The following FHIT variants were observed in gnomAD, a reference collection of about 807,000 sequenced individuals.
FHIT encodes bis(5'-adenosyl)-triphosphatase.
A neutral mutation model predicts 17.9 loss-of-function variants in FHIT; 19 were observed. That is an observed-to-expected ratio of 1.06 (90% CI 0.74 to 1.56). FHIT has a LOEUF of 1.56. Among genes scored for constraint, FHIT ranks in the 40% most tolerant of loss-of-function variants. FHIT has a pLI of 0.00. For missense variants in FHIT, 248 were observed against 189.2 expected, an observed-to-expected ratio of 1.31 and a Z score of -1.82; for synonymous variants, 81 against 69.7, an observed-to-expected ratio of 1.16 and a Z score of -0.81.
intron 5 of FHIT, among the ~76,000 whole-genome samples, chr3:60,305,020 C>T (rs1177336816): frequency 6.6e-6 from 1 of 152,160 alleles, no homozygotes; most frequent in East Asian, 1.9e-4. Context: ...TCCGTTGTCA[C>T]ATTTTATATC....
chr3:60,563,843 TGTCGAG>T (rs2037039922), intron 4 of FHIT, among the ~76,000 whole-genome samples: 1 of 152,140 alleles, frequency 6.6e-6, no homozygotes, highest in Admixed American at 6.6e-5. Flanking sequence ...TAATATAAAA[TGTCGAG>T]GTGAAGCAGC....
intron 2 of FHIT, among the ~76,000 whole-genome samples, chr3:61,050,419 C>A (rs966977674): frequency 2.0e-5 from 3 of 151,966 alleles, no homozygotes; most frequent in Non-Finnish European, 4.4e-5. Context: ...TAGATTCTGA[C>A]TTGAACAAAA....
intron 7 of FHIT, 108 bp from the exon 8 acceptor site, chr3:59,922,522 G>C (rs758957676): frequency 8.8e-6 from 8 of 910,710 alleles, no homozygotes; most frequent in Non-Finnish European, 1.2e-5. Context: ...GTTCCTGCTG[G>C]GTTATTTTTC....
intron 5 of FHIT, among the ~76,000 whole-genome samples, chr3:60,413,474 A>C (rs192182508): frequency 6.6e-5 from 10 of 152,342 alleles, no homozygotes; most frequent in African/African-American, 2.4e-4. Context: ...TTACTTAAGA[A>C]GTACCATGCA....
chr3:60,005,546 C>G (rs1055320831), intron 7 of FHIT, among the ~76,000 whole-genome samples: 2 of 152,170 alleles, frequency 1.3e-5, no homozygotes, highest in Non-Finnish European at 2.9e-5. Flanking sequence ...CCCACATGTA[C>G]ACCCAAACCC....
At chr3:59,772,387 G>C (rs987357573) in intron 8 of FHIT, among the ~76,000 whole-genome samples, 1 of 152,210 alleles carries the variant, frequency 6.6e-6, no homozygotes, top group Non-Finnish European at 1.5e-5. Flanking sequence ...AATGCAGGTG[G>C]AAGCCATTTA....
intron 4 of FHIT, among the ~76,000 whole-genome samples, chr3:60,593,236 A>G (rs987280143): frequency 3.9e-5 from 6 of 152,144 alleles, no homozygotes; most frequent in African/African-American, 7.2e-5. Flanking sequence ...ACTGCTTTTG[A>G]TAAGGAATAA....
chr3:60,410,251 C>A (rs1702014512), intron 5 of FHIT, among the ~76,000 whole-genome samples: 1 of 152,036 alleles, frequency 6.6e-6, no homozygotes, highest in African/African-American at 2.4e-5. Context: ...AATAGATGAG[C>A]AAGTTATCCA....
At chr3:60,732,120 G>A in intron 4 of FHIT, 1 of 705,676 alleles carries the variant, frequency 1.4e-6, no homozygotes, top group South Asian at 1.5e-5. Flanking sequence ...TGGTCTGGTG[G>A]TTAAGAGAAA....
chr3:59,806,130 G>A (rs888619869), intron 8 of FHIT, among the ~76,000 whole-genome samples: 4 of 149,838 alleles, frequency 2.7e-5, no homozygotes, highest in Admixed American at 6.6e-5. Context: ...GCAGTGAGCC[G>A]AGATCACACC....
At chr3:60,762,953 T>C (rs1320925124) in intron 4 of FHIT, among the ~76,000 whole-genome samples, 1 of 152,154 alleles carries the variant, frequency 6.6e-6, no homozygotes, top group Non-Finnish European at 1.5e-5. Context: ...TTAAAATCGA[T>C]CATCTCTGTC....
At chr3:60,388,489 G>A (rs548881564) in intron 5 of FHIT, among the ~76,000 whole-genome samples, 14 of 152,136 alleles carry the variant, frequency 9.2e-5, no homozygotes, top group African/African-American at 3.4e-4. Context: ...TGTAGACCCA[G>A]CTACTCAGGA....
chr3:61,143,109 T>C (rs151267908), intron 2 of FHIT, among the ~76,000 whole-genome samples: 2 of 152,260 alleles, frequency 1.3e-5, no homozygotes, highest in East Asian at 3.9e-4. Context: ...GATACAAGTT[T>C]GAGGGAAAAG....
At chr3:59,955,524 G>C (rs1209739273) in intron 7 of FHIT, among the ~76,000 whole-genome samples, 1 of 152,074 alleles carries the variant, frequency 6.6e-6, no homozygotes, top group Non-Finnish European at 1.5e-5. Context: ...TATATCCCTA[G>C]CTCCCACTTC....
At chr3:59,870,405 T>C (rs1439120616) in intron 8 of FHIT, among the ~76,000 whole-genome samples, 2 of 152,210 alleles carry the variant, frequency 1.3e-5, no homozygotes, top group Non-Finnish European at 2.9e-5. Context: ...AGCCTCCTTT[T>C]GTTTTGTTTC....
chr3:60,506,306 G>A (rs1475271254), intron 5 of FHIT, among the ~76,000 whole-genome samples: 2 of 152,116 alleles, frequency 1.3e-5, no homozygotes, highest in Admixed American at 1.3e-4. Context: ...AGGATCTGTA[G>A]CAACAAGTAT....
At chr3:60,598,797 A>G (rs1166284502) in intron 4 of FHIT, among the ~76,000 whole-genome samples, 1 of 152,142 alleles carries the variant, frequency 6.6e-6, no homozygotes, top group African/African-American at 2.4e-5. Flanking sequence ...CAGTGTAGAC[A>G]GTGACATTCC....
chr3:60,349,241 C>T (rs1212530830), intron 5 of FHIT, among the ~76,000 whole-genome samples: 4 of 152,130 alleles, frequency 2.6e-5, no homozygotes, highest in Non-Finnish European at 5.9e-5. Context: ...TGGAAGCTTA[C>T]TCAACAATAC....
At chr3:60,146,033 A>G (rs186066012) in intron 5 of FHIT, among the ~76,000 whole-genome samples, 1 of 151,222 alleles carries the variant, frequency 6.6e-6, no homozygotes, top group African/African-American at 2.4e-5. Flanking sequence ...CATATTTTCT[A>G]ATCTACACCA....
Sources: allele counts gnomAD v4.1 joint callset (sites outside exome capture counted in the v4.1 genomes callset), GRCh38; gene constraint gnomAD v4.1.1; transcripts MANE v1.5; gene names NCBI Gene and HGNC (gene_info 2026-07-23, HGNC 2026-07-21).